The following ERFL variants were observed in gnomAD, a reference collection of about 807,000 sequenced individuals.
ERFL encodes the protein ETS domain-containing transcription factor ERF-like.
ERFL carries 8 observed loss-of-function variants against 27.9 expected under a neutral mutation model. That is an observed-to-expected ratio of 0.29 (90% CI 0.17 to 0.52). The LOEUF (loss-of-function observed/expected upper bound fraction) is 0.52, where lower values mean the gene tolerates loss of function less well. Among genes scored for constraint, ERFL ranks in the 20% least tolerant of loss-of-function variants. ERFL has a pLI of 0.97. For missense variants in ERFL, 294 were observed against 444.4 expected, an observed-to-expected ratio of 0.66 and a Z score of 3.04; for synonymous variants, 174 against 202.8, an observed-to-expected ratio of 0.86 and a Z score of 1.21.
chr19:41,912,713 T>C (rs1473801254), intron 2 of ERFL, 140 bp downstream of exon 2: 1 of 400,142 alleles, frequency 2.5e-6, no homozygotes, highest in Non-Finnish European at 4.4e-6. Context: ...GGGGTTTGAT[T>C]TGGGGGACTG....
In ERFL at chr19:41,909,731, T is replaced by G. The variant is rs1599670912; in HGVS notation, c.302+132A>C. Reference sequence around the variant, plus strand: ...CCTCCCTTCCACTCACAAGTAGCGATGGTGGCTACTCACGCACAGCCCTGT... The same window carrying G: ...CCTCCCTTCCACTCACAAGTAGCGAGGGTGGCTACTCACGCACAGCCCTGT... On this transcript the variant is annotated intron_variant, in intron 3 of 5. Coordinates refer to ENST00000597630, the MANE Select transcript of ERFL (RefSeq NM_001365103.2). This position sits in a 1 kb window ranked among gnomAD's most constrained non-coding sequence, Gnocchi z 5.2. The G allele has an allele frequency of 1.9e-6, 2 of 1,036,524 alleles. No individual in the cohort carries two copies. The highest frequency in any genetic ancestry group is 2.7e-6 in the Non-Finnish European group (2 of 733,234). The allele number at this position is 1,036,524 out of a possible 1,614,324, so 64.2% of individuals were successfully genotyped here.
Position 41,907,709 on chromosome 19 carries a change from C to G in ERFL, c.*519G>C. On this transcript the variant is annotated 3_prime_UTR_variant, in exon 6 of 6. Coordinates refer to ENST00000597630, the MANE Select transcript of ERFL (RefSeq NM_001365103.2). ...TCAGCACTGGGCACCCCGAGTCTCA[C>G]TCTCTGTTCTTTTATTTCTGTAGTA... 3.4e-6 allele frequency: 1 copy of G among 293,272 alleles called. No homozygotes were observed. Among genetic ancestry groups the G allele is most frequent in the South Asian group, 7.7e-5 (1 of 13,042 alleles). The allele number at this position is 293,272 out of a possible 1,614,324, so 18.2% of individuals were successfully genotyped here.
rs1464308756 is a variant in ERFL, at chr19:41,908,350, C to G, written c.943G>C (p.Glu315Gln). The change falls in exon 6 of 6, where the codon GAG (glutamate) becomes CAG (glutamine). Residue 315 changes from glutamate (E) to glutamine (Q), a missense_variant. Physicochemically the swap from Glu to Gln is conservative, Grantham distance 29. Around this residue, in one of 3 missense-constraint regions of ERFL, gnomAD observed 246 missense variants for 371.4 expected, o/e 0.66. Transcript: ENST00000597630. The surrounding 1 kb of genome is among the most constrained non-coding windows in gnomAD (Gnocchi z 6.7). ...ATCTCCAGCTCCGAGTCGCTGTCCT[C>G]CTTCCCACCAAGGGCAGCCTCTGGA... ...GGPEAALGGK[E>Q]DSDSELEITD... 8.1e-7 allele frequency: 1 copy of G among 1,231,342 alleles called. No homozygotes were observed. The highest frequency in any genetic ancestry group is 1.0e-6 in the Non-Finnish European group (1 of 987,780). 76.3% of individuals were successfully genotyped at this position (1,231,342 alleles called of 1,614,324 possible).
At chr19:41,912,021 A>G (rs2074755277) in intron 2 of ERFL, among the ~76,000 whole-genome samples, 1 of 151,980 alleles carries the variant, frequency 6.6e-6, no homozygotes, top group African/African-American at 2.4e-5. Context: ...GGAACGCCAC[A>G]CAACCCGAGA....
rs2074745831 is a variant in ERFL, at chr19:41,910,513, A to G, written c.68-416T>C. On this transcript the variant is annotated intron_variant, in intron 2 of 5. Transcript: ENST00000597630. The surrounding 1 kb of genome is among the most constrained non-coding windows in gnomAD (Gnocchi z 4.4). ...GTCTCTTGTACCCTGCGGTGCCCTC[A>G]GCTCTTACTGTCTCTGTTCCCCATT... Among the ~76,000 whole-genome samples, 1 of 152,044 alleles carries G rather than the reference A, an allele frequency of 6.6e-6. No individual in the cohort carries two copies. Among genetic ancestry groups the G allele is most frequent in the Non-Finnish European group, 1.5e-5 (1 of 67,988 alleles).
At position 41,921,154 on chromosome 19, in the gene ERFL, T is replaced by G. The variant is rs942854225; in HGVS notation, c.-14+6886A>C. ...GAGAGGGAGGGTGGAGGCGCCACCG[T>G]GAGGCGAGGCGGAGGGAGGTCTGGC... On this transcript the variant is annotated intron_variant, in intron 1 of 5. Transcript: ENST00000597630. The surrounding 1 kb of genome is among the most constrained non-coding windows in gnomAD (Gnocchi z 4.4). Among the ~76,000 whole-genome samples, 2 of 151,194 alleles carry G rather than the reference T, an allele frequency of 1.3e-5. No individual in the cohort carries two copies. The highest frequency in any genetic ancestry group is 6.6e-5 in the Admixed American group (1 of 15,206).
intron 1 of ERFL, among the ~76,000 whole-genome samples, chr19:41,915,092 G>A (rs1250308217): frequency 3.7e-5 from 3 of 81,956 alleles, no homozygotes; most frequent in Non-Finnish European, 6.8e-5. Context: ...CCCACCTCCC[G>A]CTCTCTTTGC....
intron 1 of ERFL, among the ~76,000 whole-genome samples, chr19:41,927,617 A>G (rs2074879279): frequency 1.3e-5 from 2 of 152,036 alleles, no homozygotes; most frequent in South Asian, 4.1e-4. Context: ...CCAAATATGC[A>G]AGCCCTCAGC....
rs1172947768 is a variant in ERFL, at chr19:41,909,150, G to A, written c.526C>T (p.Arg176Cys). 6.5e-6 allele frequency: 8 copies of A among 1,231,756 alleles called. No homozygotes were observed. Among genetic ancestry groups the A allele is most frequent in the East Asian group, 3.2e-5 (1 of 31,708 alleles). 76.3% of individuals were successfully genotyped at this position (1,231,756 alleles called of 1,614,324 possible). A position where few individuals can be genotyped will look rare whatever the true frequency, so the allele number is the denominator to read the frequency against. Reference sequence around the variant, plus strand: ...GTCCGGGCCCCTGGCTCTCCCAGGCGTGGGGCAGAGAACAGGGTTTGCAGG... The same window carrying A: ...GTCCGGGCCCCTGGCTCTCCCAGGCATGGGGCAGAGAACAGGGTTTGCAGG... ...ETLQTLFSAP[R>C]LGEPGARTPL... The change falls in exon 5 of 6, where the codon CGC (arginine) becomes TGC (cysteine). Residue 176 changes from arginine (R) to cysteine (C), a missense_variant. Physicochemically the swap from Arg to Cys is radical, Grantham distance 180. This residue lies in a region of ERFL where 246 missense variants were observed against 371.4 expected (regional missense o/e 0.66). Coordinates refer to ENST00000597630, the MANE Select transcript of ERFL (RefSeq NM_001365103.2). This position sits in a 1 kb window ranked among gnomAD's most constrained non-coding sequence, Gnocchi z 5.2.
At chr19:41,918,216 C>G (rs1325818140) in intron 1 of ERFL, among the ~76,000 whole-genome samples, 3 of 151,844 alleles carry the variant, frequency 2.0e-5, no homozygotes, top group Non-Finnish European at 2.9e-5. Context: ...CACATATACA[C>G]CACACATACC....
At position 41,921,766 on chromosome 19, in the gene ERFL, C is replaced by T. The variant is rs1214152949; in HGVS notation, c.-14+6274G>A. ...GCTCAGGTGTAGGCCGGGTGGCGGG[C>T]AGACCTAAGGTGTGGATTCCTCGTC... is the stretch of plus-strand genomic sequence containing the variant. On this transcript the variant is annotated intron_variant, in intron 1 of 5. Transcript: ENST00000597630. This position sits in a 1 kb window ranked among gnomAD's most constrained non-coding sequence, Gnocchi z 4.4. 6.6e-6 allele frequency among the ~76,000 whole-genome samples: 1 copy of T among 151,960 alleles called. No homozygotes were observed. Among genetic ancestry groups the T allele is most frequent in the Non-Finnish European group, 1.5e-5 (1 of 67,966 alleles).
chr19:41,921,846 C>G lies in ERFL; in HGVS notation c.-14+6194G>C, dbSNP rs2074844048. Among the ~76,000 whole-genome samples, 1 of 151,864 alleles carries G rather than the reference C, an allele frequency of 6.6e-6. No homozygotes were observed. Among genetic ancestry groups the G allele is most frequent in the African/African-American group, 2.4e-5 (1 of 41,294 alleles). On this transcript the variant is annotated intron_variant, in intron 1 of 5. Transcript: ENST00000597630. This position sits in a 1 kb window ranked among gnomAD's most constrained non-coding sequence, Gnocchi z 4.4. ...TAGGAGGTTGGTGTCCCCTGGGAGT[C>G]CGACCCATCCCAGCTTCAAAGCCCA...
rs975125647 is a variant in ERFL, at chr19:41,916,449, G to A, written c.-13-3517C>T. ...CACACACATCAGCATAGTCACAGAT[G>A]CACAGAAACAGACACACAGTTTTAC... On this transcript the variant is annotated intron_variant, in intron 1 of 5. Transcript: ENST00000597630. The surrounding 1 kb of genome is among the most constrained non-coding windows in gnomAD (Gnocchi z 5.4). 1.3e-5 allele frequency among the ~76,000 whole-genome samples: 2 copies of A among 151,646 alleles called. No individual in the cohort carries two copies. Among genetic ancestry groups the A allele is most frequent in the African/African-American group, 4.9e-5 (2 of 41,202 alleles).
intron 1 of ERFL, 112 bp downstream of exon 1, chr19:41,927,928 C>T (rs2074881216): frequency 6.6e-6 from 1 of 152,000 alleles, no homozygotes; most frequent in Admixed American, 6.6e-5. Context: ...CCTCCACCGG[C>T]TCGGAGGCCC....
intron 1 of ERFL, 28 bp downstream of exon 1, chr19:41,928,012 C>T (rs1368252888): frequency 6.6e-6 from 1 of 152,334 alleles, no homozygotes; most frequent in African/African-American, 2.4e-5. Context: ...CCCTCCCCGC[C>T]CCTGCGCCGG....
chr19:41,916,881 G>C lies in ERFL; in HGVS notation c.-13-3949C>G, dbSNP rs915301082. Among the ~76,000 whole-genome samples the C allele has an allele frequency of 3.3e-5, 5 of 151,946 alleles. No homozygotes were observed. The highest frequency in any genetic ancestry group is 9.7e-5 in the African/African-American group (4 of 41,292). On this transcript the variant is annotated intron_variant, in intron 1 of 5. Transcript: ENST00000597630. The surrounding 1 kb of genome is among the most constrained non-coding windows in gnomAD (Gnocchi z 5.4). ...GCAGAGGTACACACAGACACACCCA[G>C]ACACACTGGGTAGGGGTGGGCACTC...
intron 1 of ERFL, among the ~76,000 whole-genome samples, chr19:41,919,595 C>T (rs1210041753): frequency 1.3e-5 from 2 of 152,050 alleles, no homozygotes; most frequent in African/African-American, 2.4e-5. Context: ...ACAACAGCAA[C>T]CCCCGAACAC....
intron 1 of ERFL, among the ~76,000 whole-genome samples, chr19:41,922,659 G>A (rs921103009): frequency 9.9e-5 from 15 of 152,124 alleles, no homozygotes; most frequent in Non-Finnish European, 2.1e-4. Flanking sequence ...GCAAGGGGCG[G>A]GGCCTGGGTG....
intron 2 of ERFL, among the ~76,000 whole-genome samples, chr19:41,911,431 T>C (rs1172610955): frequency 6.6e-6 from 1 of 152,200 alleles, no homozygotes; most frequent in Non-Finnish European, 1.5e-5. Context: ...GAGACCAGCA[T>C]CGCCGTGTCC....
Sources: allele counts gnomAD v4.1 joint callset (sites outside exome capture counted in the v4.1 genomes callset), GRCh38; gene constraint gnomAD v4.1.1; regional missense constraint gnomAD v4.1.1; non-coding constraint Gnocchi (gnomAD v3.1); transcripts MANE v1.5; gene names NCBI Gene and HGNC (gene_info 2026-07-23, HGNC 2026-07-21).